Variants in PDIA6 observed in about 807,000 individuals in gnomAD.
PDIA6 encodes the protein protein disulfide isomerase family A member 6.
In PDIA6, 29 loss-of-function variants were observed where a neutral mutation model predicts 58.4. The observed-to-expected ratio is 0.50, with a 90% CI of 0.37 to 0.68. PDIA6 has a LOEUF of 0.68. PDIA6 is among the 30% of genes least tolerant of loss of function. The pLI is 0.00. For missense variants in PDIA6, 480 were observed against 551.0 expected, an observed-to-expected ratio of 0.87 and a Z score of 1.29; for synonymous variants, 192 against 202.6, an observed-to-expected ratio of 0.95 and a Z score of 0.44.
At chr2:10,804,982 T>C (rs1247490829) in intron 1 of PDIA6, among the ~76,000 whole-genome samples, 2 of 150,790 alleles carry the variant, frequency 1.3e-5, no homozygotes, top group African/African-American at 4.9e-5. Flanking sequence ...CTGTTGTTGG[T>C]GTATAAGAAT....
chr2:10,836,932 C>G (rs1667843244), upstream of PDIA6, among the ~76,000 whole-genome samples: 1 of 152,210 alleles, frequency 6.6e-6, no homozygotes, highest in South Asian at 2.1e-4. Flanking sequence ...TGTGTGAGCA[C>G]AGAGGAATGA....
At chr2:10,824,669 G>A (rs534008786) in intron 1 of PDIA6, among the ~76,000 whole-genome samples, 15 of 152,390 alleles carry the variant, frequency 9.8e-5, no homozygotes, top group Non-Finnish European at 2.1e-4. Context: ...GAAAACCCAC[G>A]TGGGGATGAA....
intron 1 of PDIA6, among the ~76,000 whole-genome samples, chr2:10,811,550 A>T (rs1170198785): frequency 6.6e-6 from 1 of 152,190 alleles, no homozygotes; most frequent in East Asian, 1.9e-4. Context: ...ACCCTAAGGG[A>T]GTACTATTAT....
Position 10,791,555 on chromosome 2 carries a change from G to C in PDIA6, c.584+240C>G, listed in dbSNP as rs975108301. Among the ~76,000 whole-genome samples the C allele has an allele frequency of 2.6e-5, 4 of 152,170 alleles. No homozygotes were observed. In the East Asian group the frequency reaches 7.7e-4, roughly 29 times the overall value. On this transcript the variant is annotated intron_variant, in intron 6 of 12. Coordinates refer to ENST00000272227, the MANE Select transcript of PDIA6 (RefSeq NM_005742.4). ...AGATACAATGCTACCCTTCACATGAGCTTCCCATTCCACCACTGCCCCTAA... is the reference window on the plus strand; with the variant it reads ...AGATACAATGCTACCCTTCACATGACCTTCCCATTCCACCACTGCCCCTAA...
intron 1 of PDIA6, among the ~76,000 whole-genome samples, chr2:10,820,153 T>C (rs1667340358): frequency 6.6e-6 from 1 of 152,166 alleles, no homozygotes; most frequent in Non-Finnish European, 1.5e-5. Flanking sequence ...CACGAAGAGT[T>C]AGGTTAAGAG....
At chr2:10,791,714 T>C in intron 6 of PDIA6, 81 bp downstream of exon 6, 1 of 1,269,030 alleles carries the variant, frequency 7.9e-7, no homozygotes, top group Non-Finnish European at 1.1e-6. Flanking sequence ...ATCTATTATC[T>C]ACTTCAGCTC....
intron 2 of PDIA6, chr2:10,819,270 T>C (rs1667313136): frequency 6.6e-7 from 1 of 1,509,356 alleles, no homozygotes; most frequent in Non-Finnish European, 9.0e-7. Context: ...TTTCCTCTAC[T>C]TACCGGGTGC....
chr2:10,786,027 G>A (rs1269198265), intron 11 of PDIA6, among the ~76,000 whole-genome samples: 2 of 151,504 alleles, frequency 1.3e-5, no homozygotes, highest in Non-Finnish European at 2.9e-5. Flanking sequence ...CAAACTTAAT[G>A]AAAACACCCC....
At chr2:10,818,670 G>A (rs1424463465) in intron 2 of PDIA6, among the ~76,000 whole-genome samples, 2 of 151,574 alleles carry the variant, frequency 1.3e-5, no homozygotes, top group African/African-American at 4.9e-5. Flanking sequence ...ACAGTCTTAT[G>A]CCACCATGCC....
chr2:10,785,211 C>T (rs566092026), intron 11 of PDIA6, 181 bp from the exon 12 acceptor site: 4 of 556,508 alleles, frequency 7.2e-6, no homozygotes, highest in African/African-American at 1.9e-5. Context: ...TCACGGACAA[C>T]ATTACAACCA....
chr2:10,835,221 A>AG (rs994906201), upstream of PDIA6, among the ~76,000 whole-genome samples: 4 of 152,168 alleles, frequency 2.6e-5, no homozygotes, highest in Admixed American at 6.5e-5. Flanking sequence ...AGGCCTCCCA[A>AG]GCCATCTGCA....
chr2:10,819,145 A>G (rs1173332221), intron 2 of PDIA6: 4 of 612,406 alleles, frequency 6.5e-6, no homozygotes, highest in African/African-American at 5.6e-5. Flanking sequence ...AAGCAGAGTC[A>G]CATTCCATCA....
chr2:10,791,944 A>C lies in PDIA6; in HGVS notation c.454-19T>G. 3.7e-6 allele frequency: 6 copies of C among 1,610,402 alleles called. No homozygotes were observed. Among genetic ancestry groups the C allele is most frequent in the Non-Finnish European group, 5.1e-6 (6 of 1,178,274 alleles). Reference sequence around the variant, plus strand: ...TTCTGCCCTGTCATTTATGACATTAAACATCAAACAATTGGGCCAAGAAGA... The same window carrying C: ...TTCTGCCCTGTCATTTATGACATTACACATCAAACAATTGGGCCAAGAAGA... On this transcript the variant is annotated intron_variant, in intron 5 of 12. Transcript: ENST00000272227.
At chr2:10,835,798 C>T (rs1667820120), upstream of PDIA6, among the ~76,000 whole-genome samples, 1 of 152,138 alleles carries the variant, frequency 6.6e-6, no homozygotes, top group South Asian at 2.1e-4. Flanking sequence ...ACGCCTGTAA[C>T]CCAGCACTTT....
intron 10 of PDIA6, 140 bp from the exon 11 acceptor site, chr2:10,787,579 T>C: frequency 1.2e-6 from 1 of 847,426 alleles, no homozygotes; most frequent in African/African-American, 1.7e-5. Context: ...AGTTTCTATA[T>C]GGATTTTCCC....
upstream of PDIA6, among the ~76,000 whole-genome samples, chr2:10,816,140 T>G (rs1307889715): frequency 5.0e-5 from 7 of 139,888 alleles, no homozygotes; most frequent in Non-Finnish European, 9.0e-5. Flanking sequence ...TGGAGTGCAG[T>G]GGTGCAATCT....
At chr2:10,835,848 C>T (rs544456401), upstream of PDIA6, among the ~76,000 whole-genome samples, 18 of 152,262 alleles carry the variant, frequency 1.2e-4, no homozygotes, top group African/African-American at 4.3e-4. Context: ...GTCAGGAGTT[C>T]GAGACCTGCC....
chr2:10,831,925 C>T (rs6743131), intron 1 of PDIA6, among the ~76,000 whole-genome samples: 4,247 of 143,990 alleles, frequency 0.029, 196 homozygotes, highest in African/African-American at 0.1. Flanking sequence ...CTCTGCTGGG[C>T]GCTGAGGGCA....
chr2:10,834,732 C>CTTCCTTCCT (rs1553342870), upstream of PDIA6, among the ~76,000 whole-genome samples: 4 of 36,414 alleles, frequency 1.1e-4, no homozygotes, highest in African/African-American at 3.8e-4. Flanking sequence ...CCTTCCTTCC[C>CTTCCTTCCT]TCCTTCCTTC....
Sources: gnomAD v4.1 joint callset for allele counts (sites outside exome capture counted in the v4.1 genomes callset) on GRCh38, gnomAD v4.1.1 for gene constraint, MANE v1.5 for transcripts, NCBI Gene and HGNC (gene_info 2026-07-23, HGNC 2026-07-21) for gene names.